The following RBFOX1 variants were observed in gnomAD, a reference collection of about 807,000 sequenced individuals.
RBFOX1 encodes RNA binding fox-1 homolog 1.
A neutral mutation model predicts 57.7 loss-of-function variants in RBFOX1; 8 were observed. The ratio of observed to expected loss-of-function variants is 0.14; its 90% CI spans 0.08 to 0.25. The LOEUF is 0.25. Among genes scored for constraint, RBFOX1 ranks in the 10% least tolerant of loss-of-function variants. The pLI, the probability that RBFOX1 is intolerant of heterozygous loss-of-function variation, is 1.00. For missense variants in RBFOX1, 611 were observed against 548.5 expected (o/e 1.11, Z -1.14); for synonymous variants, 326 against 222.4 (o/e 1.47, Z -4.15).
At chr16:5,665,137 G>C (rs995760047) in intron 3 of RBFOX1, among the ~76,000 whole-genome samples, 1 of 142,844 alleles carries the variant, frequency 7.0e-6, no homozygotes, top group Non-Finnish European at 1.6e-5. Context: ...TACATGGGGG[G>C]GGGCGGTCTT....
At chr16:6,200,930 T>G (rs1209672207) in intron 1 of RBFOX1, among the ~76,000 whole-genome samples, 1 of 127,454 alleles carries the variant, frequency 7.8e-6, no homozygotes, top group Non-Finnish European at 1.6e-5. Flanking sequence ...GAGTTTTCGG[T>G]GTTAACTTAG....
At chr16:6,599,595 T>C (rs1390956639) in intron 2 of RBFOX1, among the ~76,000 whole-genome samples, 1 of 152,106 alleles carries the variant, frequency 6.6e-6, no homozygotes, top group African/African-American at 2.4e-5. Context: ...AACTTGATTT[T>C]CCCCCGTGTA....
intron 3 of RBFOX1, among the ~76,000 whole-genome samples, chr16:5,655,130 A>G (rs1185780553): frequency 6.6e-6 from 1 of 152,164 alleles, no homozygotes; most frequent in Non-Finnish European, 1.5e-5. Flanking sequence ...CTTCAAATGG[A>G]ACATATTTTA....
intron 4 of RBFOX1, among the ~76,000 whole-genome samples, chr16:7,217,084 C>T (rs2092228501): frequency 7.3e-6 from 1 of 137,926 alleles, no homozygotes; most frequent in Non-Finnish European, 1.6e-5. Context: ...CTCTCCTCCC[C>T]TGTTTCCCTT....
chr16:7,108,064 A>G (rs1282311635), intron 4 of RBFOX1, among the ~76,000 whole-genome samples: 1 of 152,172 alleles, frequency 6.6e-6, no homozygotes, highest in Non-Finnish European at 1.5e-5. Flanking sequence ...TCAAGCAAAG[A>G]TGCTGCTTCA....
intron 4 of RBFOX1, among the ~76,000 whole-genome samples, chr16:7,199,914 AC>A (rs1279671370): frequency 7.0e-6 from 1 of 143,304 alleles, no homozygotes; most frequent in Non-Finnish European, 1.5e-5. Context: ...AAACAAAACA[AC>A]AACAACAACA....
intron 3 of RBFOX1, among the ~76,000 whole-genome samples, chr16:5,771,868 GT>G (rs2053989433): frequency 6.6e-6 from 1 of 151,902 alleles, no homozygotes; most frequent in Non-Finnish European, 1.5e-5. Context: ...AATCAGTATG[GT>G]ACCTTTTAAA....
At chr16:7,565,922 T>C (rs552345117) in intron 5 of RBFOX1, among the ~76,000 whole-genome samples, 2 of 152,140 alleles carry the variant, frequency 1.3e-5, no homozygotes, top group South Asian at 4.2e-4. Flanking sequence ...TACACCGTGA[T>C]GGTGAATTTG....
At chr16:6,085,985 C>T (rs2096077506) in intron 1 of RBFOX1, among the ~76,000 whole-genome samples, 1 of 152,084 alleles carries the variant, frequency 6.6e-6, no homozygotes, top group African/African-American at 2.4e-5. Context: ...TCCCCCAGCC[C>T]CCTACAGACC....
rs1004778390 is a variant in RBFOX1, at chr16:5,567,351, G to A, written c.259-31551G>A. 2.0e-5 allele frequency among the ~76,000 whole-genome samples: 3 copies of A among 152,128 alleles called. No homozygotes were observed. The South Asian group carries it at 6.2e-4, about 32-fold the overall frequency. On this transcript the variant is annotated intron_variant, in intron 2 of 2. Coordinates refer to the RBFOX1 transcript ENST00000585867. ...TGGTGAATATTAGTTACTAGCTAAC[G>A]TGTATCATTCTGTACAATGTTCCAA...
intron 2 of RBFOX1, among the ~76,000 whole-genome samples, chr16:6,619,499 G>A (rs2098194463): frequency 6.6e-6 from 1 of 151,820 alleles, no homozygotes; most frequent in South Asian, 2.1e-4. Flanking sequence ...TTAAACTTAT[G>A]CCTTTCTGCT....
intron 1 of RBFOX1, among the ~76,000 whole-genome samples, chr16:5,393,312 G>C (rs2066464409): frequency 1.3e-5 from 2 of 152,198 alleles, no homozygotes; most frequent in African/African-American, 2.4e-5. Flanking sequence ...GTTGGATCCA[G>C]CTGTCTCAAG....
chr16:6,446,035 G>A (rs2094478683), intron 2 of RBFOX1, among the ~76,000 whole-genome samples: 1 of 152,008 alleles, frequency 6.6e-6, no homozygotes, highest in Non-Finnish European at 1.5e-5. Context: ...CGTGATTATA[G>A]CTCACTTCAG....
intron 7 of RBFOX1, among the ~76,000 whole-genome samples, chr16:7,589,915 GTGTGTGT>G (rs2094349596): frequency 1.7e-5 from 2 of 116,046 alleles, no homozygotes; most frequent in African/African-American, 8.3e-5. Context: ...TGTGCTGGGT[GTGTGTGT>G]GTGTGTGTGT....
chr16:6,333,463 A>G (rs549403703), intron 2 of RBFOX1, among the ~76,000 whole-genome samples: 1 of 151,960 alleles, frequency 6.6e-6, no homozygotes, highest in Admixed American at 6.6e-5. Context: ...CTTTTTATTC[A>G]GTGTTTTTTC....
chr16:5,672,678 AACC>A (rs1567377417), intron 3 of RBFOX1, among the ~76,000 whole-genome samples: 1 of 151,880 alleles, frequency 6.6e-6, no homozygotes, highest in Non-Finnish European at 1.5e-5. Flanking sequence ...TTTCTTTTAT[AACC>A]ACCACCTCCA....
intron 14 of RBFOX1, among the ~76,000 whole-genome samples, chr16:7,692,183 T>A (rs968007400): frequency 6.6e-6 from 1 of 152,180 alleles, no homozygotes; most frequent in Non-Finnish European, 1.5e-5. Flanking sequence ...AGTGATAAAC[T>A]TAGTTGTGAC....
chr16:6,601,640 G>A (rs578160104), intron 2 of RBFOX1, among the ~76,000 whole-genome samples: 16 of 152,232 alleles, frequency 1.1e-4, no homozygotes, highest in African/African-American at 3.9e-4. Flanking sequence ...AGCTCGCTCA[G>A]GAACTCTCAG....
At chr16:5,553,990 A>G (rs1355806307) in intron 2 of RBFOX1, among the ~76,000 whole-genome samples, 3 of 144,744 alleles carry the variant, frequency 2.1e-5, no homozygotes, top group African/African-American at 2.6e-5. Context: ...TTTTTTTGAG[A>G]CAGAGTCTTG....
Sources: allele counts gnomAD v4.1 joint callset (sites outside exome capture counted in the v4.1 genomes callset), GRCh38; gene constraint gnomAD v4.1.1; transcripts MANE v1.5; gene names NCBI Gene and HGNC (gene_info 2026-07-23, HGNC 2026-07-21).